The following MITF variants were observed in gnomAD, a reference collection of about 807,000 sequenced individuals.
MITF encodes melanocyte inducing transcription factor.
MITF carries 17 observed loss-of-function variants against 60.5 expected under a neutral mutation model. The ratio of observed to expected loss-of-function variants is 0.28; its 90% CI spans 0.19 to 0.42. MITF has a LOEUF of 0.42. Among genes scored for constraint, MITF ranks in the 10% least tolerant of loss-of-function variants. The pLI is 1.00. For missense variants in MITF, 622 were observed against 683.5 expected (o/e 0.91, Z 1.00); for synonymous variants, 260 against 248.5 (o/e 1.05, Z -0.43).
At chr3:69,766,376 A>AT (rs753953309) in intron 1 of MITF, among the ~76,000 whole-genome samples, 7,687 of 94,754 alleles carry the variant, frequency 0.081, 881 homozygotes, top group East Asian at 0.11. Flanking sequence ...TGCCCAGCTA[A>AT]TTTTTTTTTT....
At chr3:69,831,456 G>A (rs1267502382) in intron 1 of MITF, among the ~76,000 whole-genome samples, 1 of 152,132 alleles carries the variant, frequency 6.6e-6, no homozygotes, top group African/African-American at 2.4e-5. Context: ...GATGTTGGTT[G>A]TCACTATCAT....
intron 2 of MITF, among the ~76,000 whole-genome samples, chr3:69,924,415 A>T (rs190971190): frequency 1.3e-5 from 2 of 152,362 alleles, no homozygotes; most frequent in Admixed American, 1.3e-4. Context: ...CTTAGTAAAC[A>T]TGCTACCATA....
chr3:69,762,462 A>G (rs1387399432), intron 1 of MITF, among the ~76,000 whole-genome samples: 1 of 152,256 alleles, frequency 6.6e-6, no homozygotes, highest in East Asian at 1.9e-4. Context: ...AACTACCACA[A>G]GAAATGTTTA....
Position 69,947,818 on chromosome 3 carries a change from A to G in MITF, c.763-1233A>G, listed in dbSNP as rs773467802. 1.6e-4 allele frequency among the ~76,000 whole-genome samples: 24 copies of G among 152,110 alleles called. 1 individual carries two copies. Among genetic ancestry groups the G allele is most frequent in the South Asian group, 2.1e-4 (1 of 4,820 alleles). ...CTCTTTAGCTAGGGGTTTAATTCAT[A>G]GAGTATATGTTTAGAGGCTATCACA... On this transcript the variant is annotated intron_variant, in intron 5 of 9. Coordinates refer to ENST00000352241, the MANE Select transcript of MITF (RefSeq NM_001354604.2).
intron 1 of MITF, among the ~76,000 whole-genome samples, chr3:69,852,401 A>C (rs1364495932): frequency 6.6e-6 from 1 of 152,168 alleles, no homozygotes; most frequent in East Asian, 1.9e-4. Flanking sequence ...GTTTTATTTA[A>C]CTTCATACAA....
intron 1 of MITF, among the ~76,000 whole-genome samples, chr3:69,811,851 T>C (rs2063105426): frequency 1.3e-5 from 2 of 152,260 alleles, no homozygotes; most frequent in Admixed American, 1.3e-4. Context: ...GCAAGGTGCA[T>C]GCACATTCCA....
At chr3:69,873,513 C>T (rs1252262461) in intron 1 of MITF, among the ~76,000 whole-genome samples, 1 of 152,114 alleles carries the variant, frequency 6.6e-6, no homozygotes, top group Non-Finnish European at 1.5e-5. Context: ...TATGATAAAG[C>T]AGTTGTGCTG....
chr3:69,819,000 G>A (rs1399913041), intron 1 of MITF, among the ~76,000 whole-genome samples: 2 of 152,166 alleles, frequency 1.3e-5, no homozygotes, highest in Non-Finnish European at 2.9e-5. Context: ...ATGCTTCAGT[G>A]TTCCTCAGTT....
chr3:69,797,222 T>C, intron 1 of MITF, among the ~76,000 whole-genome samples: 1 of 152,186 alleles, frequency 6.6e-6, no homozygotes, highest in East Asian at 1.9e-4. Flanking sequence ...ATACAGGAAA[T>C]CTAAAATACC....
chr3:69,815,705 G>C (rs192192414), intron 1 of MITF, among the ~76,000 whole-genome samples: 1 of 152,312 alleles, frequency 6.6e-6, no homozygotes, highest in Non-Finnish European at 1.5e-5. Flanking sequence ...TTGACTGTGT[G>C]TGTGGGGTAG....
At chr3:69,764,692 A>G (rs2062262960) in intron 1 of MITF, among the ~76,000 whole-genome samples, 1 of 152,128 alleles carries the variant, frequency 6.6e-6, no homozygotes, top group South Asian at 2.1e-4. Flanking sequence ...AAGTTTCCTT[A>G]TATAGAATAT....
At chr3:69,929,579 T>C (rs573222373) in intron 2 of MITF, among the ~76,000 whole-genome samples, 1 of 152,264 alleles carries the variant, frequency 6.6e-6, no homozygotes, top group East Asian at 1.9e-4. Flanking sequence ...TTCTAGGCCA[T>C]TGCAAATACT....
intron 1 of MITF, among the ~76,000 whole-genome samples, chr3:69,824,301 A>C (rs761544380): frequency 1.3e-5 from 2 of 152,196 alleles, no homozygotes; most frequent in African/African-American, 2.4e-5. Flanking sequence ...AATCAGTTTC[A>C]TCATCTGTAT....
chr3:69,808,314 G>A (rs539596473), intron 1 of MITF, among the ~76,000 whole-genome samples: 52 of 152,026 alleles, frequency 3.4e-4, no homozygotes, highest in Admixed American at 2.1e-3. Flanking sequence ...TGAGAGTCAA[G>A]GGGGGCACTT....
intron 1 of MITF, among the ~76,000 whole-genome samples, chr3:69,800,558 C>T (rs1004753143): frequency 6.6e-6 from 1 of 152,132 alleles, no homozygotes; most frequent in African/African-American, 2.4e-5. Context: ...AGGCAAACCA[C>T]TTTGCATTCC....
chr3:69,924,793 C>G (rs2065548725), intron 2 of MITF, among the ~76,000 whole-genome samples: 1 of 152,138 alleles, frequency 6.6e-6, no homozygotes, highest in Admixed American at 6.5e-5. Context: ...TGATCCAGCT[C>G]ATTTGGAAGT....
At chr3:69,898,851 C>T (rs1371633736) in intron 2 of MITF, among the ~76,000 whole-genome samples, 1 of 152,086 alleles carries the variant, frequency 6.6e-6, no homozygotes, top group Non-Finnish European at 1.5e-5. Flanking sequence ...GAAATGGAAA[C>T]AAGCATTTAT....
intron 2 of MITF, among the ~76,000 whole-genome samples, chr3:69,908,824 G>C (rs79672039): frequency 0.02 from 3,081 of 152,250 alleles, 106 homozygotes; most frequent in African/African-American, 0.07. Flanking sequence ...CCCTACGTGA[G>C]CTAACACAGT....
At chr3:69,746,544 T>C (rs188253048) in intron 1 of MITF, among the ~76,000 whole-genome samples, 78 of 152,268 alleles carry the variant, frequency 5.1e-4, no homozygotes, top group Non-Finnish European at 1.0e-3. Flanking sequence ...GTGTGAGGTA[T>C]AAAATGTACT....
Sources: allele counts gnomAD v4.1 joint callset (sites outside exome capture counted in the v4.1 genomes callset), GRCh38; gene constraint gnomAD v4.1.1; transcripts MANE v1.5; gene names NCBI Gene and HGNC (gene_info 2026-07-23, HGNC 2026-07-21).